PDK1: variants seen among roughly 807,000 people sequenced by gnomAD.
PDK1 encodes [Pyruvate dehydrogenase (acetyl-transferring)] kinase isozyme 1, mitochondrial.
In PDK1, 39 loss-of-function variants were observed where a neutral mutation model predicts 54.2. That is an observed-to-expected ratio of 0.72 (90% CI 0.56 to 0.94). The LOEUF (loss-of-function observed/expected upper bound fraction) is 0.94, where lower values mean the gene tolerates loss of function less well. Among genes scored for constraint, PDK1 ranks in the 40% least tolerant of loss-of-function variants. The pLI is 0.00. For synonymous variants in PDK1, 221 were observed against 207.1 expected, an observed-to-expected ratio of 1.07 and a Z score of -0.58; for missense variants, 552 against 566.0, an observed-to-expected ratio of 0.98 and a Z score of 0.25.
chr2:172,575,939 G>GT (rs1689556400), intron 8 of PDK1, among the ~76,000 whole-genome samples: 2 of 151,972 alleles, frequency 1.3e-5, no homozygotes, highest in South Asian at 2.1e-4. Flanking sequence ...TTTTTTGTTT[G>GT]TTTTTTGAGA....
intron 9 of PDK1, among the ~76,000 whole-genome samples, chr2:172,591,485 G>A (rs1367073995): frequency 6.6e-6 from 1 of 152,204 alleles, no homozygotes; most frequent in Non-Finnish European, 1.5e-5. Context: ...ATTTGGGATT[G>A]TAGAGTAAGG....
chr2:172,594,324 C>G (rs1690776108), intron 10 of PDK1, among the ~76,000 whole-genome samples: 1 of 152,168 alleles, frequency 6.6e-6, no homozygotes, highest in Non-Finnish European at 1.5e-5. Flanking sequence ...CACACCTGGC[C>G]TAGTGCAATG....
At chr2:172,574,231 A>G (rs1028182711) in intron 8 of PDK1, among the ~76,000 whole-genome samples, 2 of 152,148 alleles carry the variant, frequency 1.3e-5, no homozygotes, top group East Asian at 1.9e-4. Context: ...TCAAAAATCA[A>G]TTGCTCATAA....
the PDK1 span, among the ~76,000 whole-genome samples, chr2:172,666,250 C>T: frequency 1.3e-3 from 205 of 152,164 alleles, no homozygotes; most frequent in African/African-American, 3.7e-3. Flanking sequence ...CTCAGTTGTA[C>T]GTTAAAAGGC....
the PDK1 span, among the ~76,000 whole-genome samples, chr2:172,637,006 C>T: frequency 2.6e-5 from 4 of 152,304 alleles, no homozygotes; most frequent in East Asian, 7.7e-4. Flanking sequence ...TTAAGTTCCC[C>T]AGAATCCCTG....
chr2:172,686,838 T>C, the PDK1 span, among the ~76,000 whole-genome samples: 1 of 152,188 alleles, frequency 6.6e-6, no homozygotes, highest in African/African-American at 2.4e-5. Flanking sequence ...TGTCTATCTA[T>C]CTATATATCT....
chr2:172,613,841 G>T, the PDK1 span, among the ~76,000 whole-genome samples: 1 of 152,248 alleles, frequency 6.6e-6, no homozygotes, highest in African/African-American at 2.4e-5. Context: ...CACCCAAACC[G>T]CAGCTGTAGA....
At chr2:172,621,400 C>T in the PDK1 span, among the ~76,000 whole-genome samples, 1 of 152,020 alleles carries the variant, frequency 6.6e-6, no homozygotes. Context: ...TGGATGCTTC[C>T]TGCCCTTGAA....
chr2:172,570,579 AAAAC>A (rs1689190984), intron 7 of PDK1, 143 bp from the exon 8 acceptor site: 1 of 488,974 alleles, frequency 2.0e-6, no homozygotes, highest in Admixed American at 3.8e-5. Context: ...CATTAAAAAA[AAAAC>A]TTTAAATGTG....
the PDK1 span, among the ~76,000 whole-genome samples, chr2:172,700,294 G>A: frequency 6.6e-6 from 1 of 151,982 alleles, no homozygotes; most frequent in Admixed American, 6.5e-5. Flanking sequence ...CGGGGTGGCG[G>A]CCGGGCAGAG....
the PDK1 span, among the ~76,000 whole-genome samples, chr2:172,625,562 A>C: frequency 2.6e-5 from 4 of 152,152 alleles, no homozygotes; most frequent in Non-Finnish European, 5.9e-5. Flanking sequence ...TTTTCCAAGG[A>C]CTGAATCTGT....
intron 2 of PDK1, among the ~76,000 whole-genome samples, chr2:172,561,239 T>C (rs1268301721): frequency 6.6e-6 from 1 of 152,230 alleles, no homozygotes; most frequent in Non-Finnish European, 1.5e-5. Context: ...GATCGGTGCC[T>C]GTTGTAGGTA....
At chr2:172,684,946 C>T in the PDK1 span, among the ~76,000 whole-genome samples, 4 of 152,248 alleles carry the variant, frequency 2.6e-5, no homozygotes, top group Non-Finnish European at 4.4e-5. Context: ...GGTGATGGGG[C>T]GCTTTCCCTC....
intron 8 of PDK1, among the ~76,000 whole-genome samples, chr2:172,580,077 A>ATTT (rs34421752): frequency 2.7e-5 from 4 of 150,560 alleles, no homozygotes; most frequent in African/African-American, 9.8e-5. Context: ...TAAGGATATT[A>ATTT]TTTTTTTTTA....
chr2:172,642,787 A>ACTCCTCCTCCTCCTCCTCCTCCTC, the PDK1 span, among the ~76,000 whole-genome samples: 1 of 144,062 alleles, frequency 6.9e-6, no homozygotes, highest in Admixed American at 6.9e-5. Flanking sequence ...TCCTCCTCCC[A>ACTCCTCCTCCTCCTCCTCCTCCTC]CTCCTCCTCC....
intron 8 of PDK1, among the ~76,000 whole-genome samples, chr2:172,584,281 T>C (rs1184400379): frequency 6.6e-6 from 1 of 152,046 alleles, no homozygotes; most frequent in African/African-American, 2.4e-5. Flanking sequence ...AAGAGAAAAT[T>C]ACTCATTCTA....
At chr2:172,570,878 A>T (rs2149232034) in intron 8 of PDK1, 54 bp downstream of exon 8, 4 of 954,598 alleles carry the variant, frequency 4.2e-6, no homozygotes, top group Admixed American at 2.1e-5. Flanking sequence ...ATTGATGAAC[A>T]GACATGCAAA....
Position 172,606,704 on chromosome 2 carries a change from A to C in PDK1, c.*10735A>C, listed in dbSNP as rs1312795646. The C allele has an allele frequency of 6.6e-6, 1 of 151,384 alleles. No homozygotes were observed. The highest frequency in any genetic ancestry group is 1.5e-5 in the Non-Finnish European group (1 of 67,866). 9.4% of individuals were successfully genotyped at this position (151,384 alleles called of 1,614,324 possible). ...TTAGTGCTCTGTGGTAGCAGAGAGA[A>C]TGGTGGTAGTTTATTTTTTCTTTCC... On this transcript the variant is annotated 3_prime_UTR_variant, in exon 11 of 11. Transcript: ENST00000282077.
In PDK1 at chr2:172,558,854, G is replaced by T; in HGVS notation, c.338+5G>T. The T allele has an allele frequency of 2.5e-6, 4 of 1,607,248 alleles. No homozygotes were observed. Among genetic ancestry groups the T allele is most frequent in the Non-Finnish European group, 3.4e-6 (4 of 1,177,852 alleles). ...CGTTCAATTGGTACAAAGCTGGTAAGATTCTCATCTTGTGTTTGCAATTTG... is the reference window on the plus strand; with the variant it reads ...CGTTCAATTGGTACAAAGCTGGTAATATTCTCATCTTGTGTTTGCAATTTG... On this transcript the variant is annotated splice_donor_5th_base_variant and intron_variant, in intron 2 of 10. Coordinates refer to ENST00000282077, the MANE Select transcript of PDK1 (RefSeq NM_002610.5).
Sources: allele counts gnomAD v4.1 joint callset (sites outside exome capture counted in the v4.1 genomes callset), GRCh38; gene constraint gnomAD v4.1.1; transcripts MANE v1.5; gene names NCBI Gene and HGNC (gene_info 2026-07-23, HGNC 2026-07-21).